The following UTP20 variants were observed in gnomAD, a reference collection of about 807,000 sequenced individuals.
UTP20 encodes the protein UTP20 small subunit processome component.
In UTP20, 164 loss-of-function variants were observed where a neutral mutation model predicts 329.5. The observed-to-expected ratio is 0.50, with a 90% CI of 0.44 to 0.57. The LOEUF (loss-of-function observed/expected upper bound fraction) is 0.57, where lower values mean the gene tolerates loss of function less well. UTP20 is among the 20% of genes least tolerant of loss of function. The pLI is 0.00. For missense variants in UTP20, 3,055 were observed against 3,284.2 expected (o/e 0.93, Z 1.71); for synonymous variants, 1,151 against 1,159.3 (o/e 0.99, Z 0.14).
intron 25 of UTP20, among the ~76,000 whole-genome samples, chr12:101,322,438 C>T (rs1269850896): frequency 6.6e-6 from 1 of 151,888 alleles, no homozygotes; most frequent in Admixed American, 6.6e-5. Flanking sequence ...GTTATTATTC[C>T]TTTAATTATA....
At position 101,333,353 on chromosome 12, in the gene UTP20, A is replaced by G. The variant is rs1409051300; in HGVS notation, c.3470A>G (p.Lys1157Arg). Residue 1157 changes from lysine to arginine, a missense_variant, in exon 28 of 62, where the codon AAA becomes AGA. Coordinates refer to ENST00000261637, the MANE Select transcript of UTP20 (RefSeq NM_014503.3). ...AAAAATTTAAGACGTCTTGGAATCA[A>G]AATGGTAACTGATATCTTTTTGGAC... ...PLKNLRRLGI[K>R]MVTDIFLDWE... is the part of the protein sequence containing the mutation. The G allele has an allele frequency of 1.2e-5, 20 of 1,614,030 alleles. No individual in the cohort carries two copies. In the Admixed American group the frequency reaches 3.2e-4, roughly 26 times the overall value.
chr12:101,329,777 G>A (rs181163203), intron 27 of UTP20, among the ~76,000 whole-genome samples: 59 of 152,186 alleles, frequency 3.9e-4, no homozygotes, highest in Admixed American at 2.1e-3. Flanking sequence ...GCCAAGGTGG[G>A]AGGATCACTG....
chr12:101,373,867 T>C lies in UTP20; in HGVS notation c.7131+100T>C, dbSNP rs557616826. Reference sequence around the variant, plus strand: ...TCATACACTGTTGAATTGGTTTTTTTCCCAAATAGTGTTATTTTTGTCTGA... The same window carrying C: ...TCATACACTGTTGAATTGGTTTTTTCCCCAAATAGTGTTATTTTTGTCTGA... On this transcript the variant is annotated intron_variant, in intron 54 of 61. Coordinates refer to ENST00000261637, the MANE Select transcript of UTP20 (RefSeq NM_014503.3). 2.8e-5 allele frequency: 36 copies of C among 1,294,650 alleles called. No homozygotes were observed. In the African/African-American group the frequency reaches 3.8e-4, roughly 14 times the overall value. 80.2% of individuals were successfully genotyped at this position (1,294,650 alleles called of 1,614,324 possible). A position where few individuals can be genotyped will look rare whatever the true frequency, so the allele number is the denominator to read the frequency against.
chr12:101,383,929 C>T (rs1047484713), intron 60 of UTP20, among the ~76,000 whole-genome samples: 2 of 151,630 alleles, frequency 1.3e-5, no homozygotes, highest in Admixed American at 6.6e-5. Flanking sequence ...GTCTCAAACT[C>T]CTGGCTTCAA....
rs1869001097 is a variant in UTP20 at position 101,338,283 on chromosome 12, T to C, written c.3868+6T>C. 1 of 1,612,994 alleles carries C rather than the reference T, an allele frequency of 6.2e-7. No individual in the cohort carries two copies. Among genetic ancestry groups the C allele is most frequent in the South Asian group, 1.1e-5 (1 of 91,058 alleles). On this transcript the variant is annotated splice_donor_region_variant and intron_variant, in intron 30 of 61. Transcript: ENST00000261637. ...CATAGCAGAAAACATCGGTGGTATG[T>C]ATGCTGACAAAGCAGATAATTCTTA...
intron 2 of UTP20, among the ~76,000 whole-genome samples, chr12:101,281,814 C>T (rs1871806504): frequency 6.6e-6 from 1 of 152,140 alleles, no homozygotes; most frequent in Non-Finnish European, 1.5e-5. Context: ...AAGCGATTCT[C>T]CTGCCTCAGC....
intron 18 of UTP20, among the ~76,000 whole-genome samples, chr12:101,308,863 G>T (rs1872707668): frequency 1.3e-5 from 2 of 151,914 alleles, no homozygotes; most frequent in African/African-American, 4.8e-5. Flanking sequence ...CTCCCGAGTT[G>T]CTGGAACTAC....
chr12:101,286,209 G>T, intron 4 of UTP20, 112 bp from the exon 5 acceptor site: 1 of 1,002,456 alleles, frequency 1.0e-6, no homozygotes, highest in Non-Finnish European at 1.4e-6. Context: ...ACTTGATTTA[G>T]AAGTATTTTT....
intron 1 of UTP20, 75 bp downstream of exon 1, chr12:101,280,402 C>G (rs1450313687): frequency 4.6e-6 from 7 of 1,530,754 alleles, no homozygotes; most frequent in Non-Finnish European, 4.4e-6. Context: ...GAGCGAGACT[C>G]CAGGGGCCTC....
intron 55 of UTP20, among the ~76,000 whole-genome samples, chr12:101,375,215 C>G (rs76846237): frequency 1.3e-5 from 2 of 151,778 alleles, no homozygotes. Flanking sequence ...GCAGGAGGAC[C>G]GTGCCACTGT....
intron 29 of UTP20, among the ~76,000 whole-genome samples, chr12:101,337,049 G>A (rs1351020939): frequency 6.6e-6 from 1 of 152,228 alleles, no homozygotes; most frequent in African/African-American, 2.4e-5. Flanking sequence ...CCTCACTAAC[G>A]TAGCTTCAAA....
In UTP20 at chr12:101,291,992, T is replaced by G; in HGVS notation, c.1061T>G (p.Val354Gly). The change falls in exon 10 of 62, where the codon GTA (valine) becomes GGA (glycine). Residue 354 changes from valine to glycine, a missense_variant. Physicochemically the swap from Val to Gly is moderately radical, Grantham distance 109. This residue lies in a region of UTP20 where 2,445 missense variants were observed against 2,575.5 expected (regional missense o/e 0.95). Transcript: ENST00000261637. ...VCKVLSQTLQ[V>G]ASLSTSCWET... ...CAGGTGTTATCTCAAACACTGCAAG[T>G]AGCCAGTCTCTCCACATCTTGCTGG... 6.2e-7 allele frequency: 1 copy of G among 1,613,676 alleles called. No individual in the cohort carries two copies.
chr12:101,331,573 A>G (rs1868762788), intron 27 of UTP20, among the ~76,000 whole-genome samples: 1 of 152,332 alleles, frequency 6.6e-6, no homozygotes, highest in Admixed American at 6.5e-5. Flanking sequence ...CAGCAAACTA[A>G]TGACATCCTT....
intron 29 of UTP20, among the ~76,000 whole-genome samples, chr12:101,337,359 G>T (rs1227821613): frequency 6.6e-6 from 1 of 152,152 alleles, no homozygotes; most frequent in Non-Finnish European, 1.5e-5. Context: ...TATCTGGATT[G>T]TTTCTGTTTG....
intron 22 of UTP20, 138 bp from the exon 23 acceptor site, chr12:101,319,407 C>A (rs540153755): frequency 6.6e-6 from 4 of 605,140 alleles, no homozygotes; most frequent in Non-Finnish European, 1.1e-5. Context: ...ATGTAAATAA[C>A]TAAGCCTTGT....
intron 17 of UTP20, among the ~76,000 whole-genome samples, chr12:101,307,339 T>C (rs1256830107): frequency 6.7e-6 from 1 of 149,726 alleles, no homozygotes; most frequent in Non-Finnish European, 1.5e-5. Context: ...TTTAAACAAA[T>C]GGGGTTTTTC....
At chr12:101,280,425 C>T (rs1316630061) in intron 1 of UTP20, 98 bp downstream of exon 1, 1 of 1,435,856 alleles carries the variant, frequency 7.0e-7, no homozygotes, top group Non-Finnish European at 9.5e-7. Context: ...ACTTCTGGGC[C>T]GAGTGTGTCA....
At chr12:101,357,675 G>A (rs186260894) in intron 43 of UTP20, among the ~76,000 whole-genome samples, 148 of 152,298 alleles carry the variant, frequency 9.7e-4, no homozygotes, top group African/African-American at 3.2e-3. Flanking sequence ...GATTGCTTGA[G>A]CCTGGAAGGT....
At chr12:101,338,328 G>T in intron 30 of UTP20, 51 bp downstream of exon 30, 1 of 1,581,702 alleles carries the variant, frequency 6.3e-7, no homozygotes, top group Non-Finnish European at 8.7e-7. Context: ...TGTAGCAATT[G>T]TTTCCTTAGA....
Sources: allele counts gnomAD v4.1 joint callset (sites outside exome capture counted in the v4.1 genomes callset), GRCh38; gene constraint gnomAD v4.1.1; regional missense constraint gnomAD v4.1.1; transcripts MANE v1.5; gene names NCBI Gene and HGNC (gene_info 2026-07-23, HGNC 2026-07-21).